Variants in RGS6 observed in about 807,000 individuals in gnomAD.
RGS6 encodes regulator of G protein signaling 6.
RGS6 carries 30 observed loss-of-function variants against 78.5 expected under a neutral mutation model. The ratio of observed to expected loss-of-function variants is 0.38; its 90% confidence interval spans 0.29 to 0.52. RGS6 has a LOEUF of 0.52. Among genes scored for constraint, RGS6 ranks in the 20% least tolerant of loss-of-function variants. The probability of loss-of-function intolerance (pLI) is 0.85; values close to 1 mark genes in which losing one functional copy is unlikely to be tolerated. For synonymous variants in RGS6, 206 were observed against 206.0 expected (o/e 1.00, Z 0.00); for missense variants, 495 against 609.7 (o/e 0.81, Z 1.98).
At chr14:72,409,226 A>T (rs888677727) in intron 3 of RGS6, among the ~76,000 whole-genome samples, 5 of 152,228 alleles carry the variant, frequency 3.3e-5, no homozygotes, top group African/African-American at 1.2e-4. Context: ...TTATGTGAGC[A>T]TTAGAGGATT....
chr14:72,601,067 G>GGAA, the RGS6 span, among the ~76,000 whole-genome samples: 1 of 151,212 alleles, frequency 6.6e-6, no homozygotes, highest in Admixed American at 6.6e-5. Context: ...AGGAGGAGGG[G>GGAA]GAGGAGGAGG....
At chr14:72,227,220 T>C (rs568564903) in intron 2 of RGS6, among the ~76,000 whole-genome samples, 1 of 152,362 alleles carries the variant, frequency 6.6e-6, no homozygotes, top group East Asian at 1.9e-4. Context: ...ATTTTGATAA[T>C]AGGAGATTTG....
chr14:72,609,142 C>T, the RGS6 span, among the ~76,000 whole-genome samples: 11 of 152,196 alleles, frequency 7.2e-5, no homozygotes, highest in Admixed American at 7.2e-4. Flanking sequence ...ATACTAACCA[C>T]AGCAAGGAAG....
intron 13 of RGS6, among the ~76,000 whole-genome samples, chr14:72,497,857 C>CT (rs11392472): frequency 0.3 from 45,866 of 151,786 alleles, 11,082 homozygotes; most frequent in African/African-American, 0.68. Context: ...ATTATTGCTG[C>CT]TTTTTTTCCA....
At chr14:72,495,091 C>T (rs1333839302) in intron 12 of RGS6, 61 bp from the exon 13 acceptor site, 6 of 990,750 alleles carry the variant, frequency 6.1e-6, no homozygotes, top group African/African-American at 3.2e-5. Flanking sequence ...TTGTGTAAAA[C>T]AGAATAAAGG....
chr14:72,628,879 A>G, the RGS6 span, among the ~76,000 whole-genome samples: 3 of 152,236 alleles, frequency 2.0e-5, no homozygotes, highest in Admixed American at 2.0e-4. Flanking sequence ...GAAGAAAGAG[A>G]ATAAGATGGA....
the RGS6 span, chr14:72,612,560 C>T: frequency 2.0e-6 from 1 of 502,616 alleles, no homozygotes; most frequent in Non-Finnish European, 3.9e-6. Context: ...TCCTTAGCAT[C>T]TATCACGGCA....
intron 2 of RGS6, among the ~76,000 whole-genome samples, chr14:72,204,544 G>T (rs1195576014): frequency 6.6e-6 from 1 of 152,208 alleles, no homozygotes; most frequent in African/African-American, 2.4e-5. Context: ...ATGGACAACA[G>T]GATTTTATGT....
the RGS6 span, among the ~76,000 whole-genome samples, chr14:71,869,591 T>C: frequency 1.3e-5 from 2 of 152,332 alleles, no homozygotes; most frequent in South Asian, 2.1e-4. Flanking sequence ...GTGGGCTAAA[T>C]TGAAAGTAAA....
intron 2 of RGS6, among the ~76,000 whole-genome samples, chr14:72,249,736 G>A (rs555377221): frequency 6.6e-6 from 1 of 152,274 alleles, no homozygotes; most frequent in South Asian, 2.1e-4. Flanking sequence ...CAAGTGAGGA[G>A]TAAGAGGGGT....
At chr14:72,014,939 A>C (rs1271044122) in intron 2 of RGS6, among the ~76,000 whole-genome samples, 1 of 152,174 alleles carries the variant, frequency 6.6e-6, no homozygotes, top group Non-Finnish European at 1.5e-5. Context: ...AAATGTTTAG[A>C]AATTTAAAGG....
chr14:71,899,936 G>C, the RGS6 span, among the ~76,000 whole-genome samples: 23 of 152,174 alleles, frequency 1.5e-4, no homozygotes, highest in Non-Finnish European at 2.9e-5. Context: ...TTTTAAGGAT[G>C]CAGTCTCCTC....
chr14:72,350,446 C>A (rs532127586), intron 2 of RGS6, among the ~76,000 whole-genome samples: 3 of 152,276 alleles, frequency 2.0e-5, no homozygotes, highest in African/African-American at 7.2e-5. Flanking sequence ...TTCCCCTTTC[C>A]TCCTGTCACC....
intron 2 of RGS6, among the ~76,000 whole-genome samples, chr14:71,969,225 T>C (rs1339026157): frequency 6.6e-6 from 1 of 152,248 alleles, no homozygotes; most frequent in Non-Finnish European, 1.5e-5. Context: ...AGTATATCAT[T>C]GATGGAATGT....
intron 6 of RGS6, among the ~76,000 whole-genome samples, chr14:72,462,177 A>C (rs2095799117): frequency 1.3e-5 from 2 of 152,332 alleles, no homozygotes; most frequent in South Asian, 2.1e-4. Context: ...AGATTTGAAT[A>C]AGTCACAGCC....
At chr14:72,316,766 T>A (rs185295059) in intron 2 of RGS6, among the ~76,000 whole-genome samples, 108 of 152,318 alleles carry the variant, frequency 7.1e-4, no homozygotes, top group African/African-American at 2.4e-3. Context: ...CAATCATTGA[T>A]TGGCATTATT....
At chr14:72,213,228 A>G (rs1409207537) in intron 2 of RGS6, among the ~76,000 whole-genome samples, 2 of 152,110 alleles carry the variant, frequency 1.3e-5, no homozygotes, top group Non-Finnish European at 2.9e-5. Flanking sequence ...ACTGGGAGCT[A>G]TGAAATAGAC....
intron 2 of RGS6, among the ~76,000 whole-genome samples, chr14:72,326,368 T>G (rs1186417710): frequency 2.6e-5 from 4 of 152,174 alleles, no homozygotes; most frequent in Non-Finnish European, 5.9e-5. Flanking sequence ...CTGATAGAGT[T>G]TGGATATTTG....
At chr14:72,203,817 CTTTCTTT>C (rs2042111709) in intron 2 of RGS6, among the ~76,000 whole-genome samples, 2 of 117,074 alleles carry the variant, frequency 1.7e-5, no homozygotes, top group East Asian at 2.6e-4. Flanking sequence ...ACCTTTCTTT[CTTTCTTT>C]TTTTTTTTTT....
Sources: gnomAD v4.1 joint callset for allele counts (sites outside exome capture counted in the v4.1 genomes callset) on GRCh38, gnomAD v4.1.1 for gene constraint, MANE v1.5 for transcripts, NCBI Gene and HGNC (gene_info 2026-07-23, HGNC 2026-07-21) for gene names.